Variants in NRXN3 observed in about 807,000 individuals in gnomAD.
NRXN3 encodes neurexin 3.
In NRXN3, 32 loss-of-function variants were observed where a neutral mutation model predicts 137.6. The ratio of observed to expected loss-of-function variants is 0.23; its 90% CI spans 0.18 to 0.31. The LOEUF is 0.31. NRXN3 is among the 10% of genes least tolerant of loss of function. NRXN3 has a pLI of 1.00. For synonymous variants in NRXN3, 798 were observed against 784.5 expected (o/e 1.02, Z -0.29); for missense variants, 1,574 against 2,062.5 (o/e 0.76, Z 4.59).
intron 15 of NRXN3, among the ~76,000 whole-genome samples, chr14:79,241,420 C>T (rs1294122735): frequency 8.5e-5 from 13 of 152,088 alleles, no homozygotes; most frequent in East Asian, 1.9e-4. Context: ...ACAATCATGG[C>T]GGAAAGCAAA....
At chr14:79,784,813 T>C (rs2099124556) in intron 19 of NRXN3, among the ~76,000 whole-genome samples, 1 of 152,096 alleles carries the variant, frequency 6.6e-6, no homozygotes, top group African/African-American at 2.4e-5. Flanking sequence ...CATACACACA[T>C]GCCTACATGC....
chr14:78,529,433 T>C (rs972084921), intron 4 of NRXN3, among the ~76,000 whole-genome samples: 1 of 152,208 alleles, frequency 6.6e-6, no homozygotes, highest in Non-Finnish European at 1.5e-5. Context: ...ATACTTAACT[T>C]GATTACTAGA....
chr14:79,289,046 C>T (rs1325825801), intron 15 of NRXN3, among the ~76,000 whole-genome samples: 1 of 152,130 alleles, frequency 6.6e-6, no homozygotes, highest in African/African-American at 2.4e-5. Flanking sequence ...CACCAATGGG[C>T]TCGTAGAACT....
intron 20 of NRXN3, chr14:79,853,652 T>C (rs765505122): frequency 2.3e-6 from 3 of 1,328,914 alleles, no homozygotes; most frequent in South Asian, 2.4e-5. Context: ...CTCATAGATA[T>C]GACCCTCCCC....
intron 19 of NRXN3, among the ~76,000 whole-genome samples, chr14:79,736,491 G>A (rs995005139): frequency 6.6e-5 from 10 of 152,106 alleles, no homozygotes; most frequent in South Asian, 2.1e-4. Flanking sequence ...TGAATATTCC[G>A]AATACACAGG....
At chr14:79,295,332 C>G (rs1338254162) in intron 15 of NRXN3, among the ~76,000 whole-genome samples, 4 of 151,996 alleles carry the variant, frequency 2.6e-5, no homozygotes, top group Non-Finnish European at 5.9e-5. Context: ...CTCAAGAGCC[C>G]TTCCTTAATG....
rs1427531417 is a variant in NRXN3 at position 79,864,846 on chromosome 14, G to A, written c.*2882G>A. 1.3e-5 allele frequency: 2 copies of A among 152,066 alleles called. No individual in the cohort carries two copies. Among genetic ancestry groups the A allele is most frequent in the African/African-American group, 4.8e-5 (2 of 41,374 alleles). The allele number at this position is 152,066 out of a possible 1,614,324, so 9.4% of individuals were successfully genotyped here. On this transcript the variant is annotated 3_prime_UTR_variant, in exon 21 of 21. Coordinates refer to ENST00000335750, the MANE Select transcript of NRXN3 (RefSeq NM_001330195.2). Reference sequence around the variant, plus strand: ...GGCTCACTGCAAGCTCCGCCTCCCGGGTTCACACCATTCTCCTGCCTCAGC... The same window carrying A: ...GGCTCACTGCAAGCTCCGCCTCCCGAGTTCACACCATTCTCCTGCCTCAGC...
At chr14:79,472,291 A>G (rs760005056) in intron 16 of NRXN3, among the ~76,000 whole-genome samples, 4 of 152,142 alleles carry the variant, frequency 2.6e-5, no homozygotes, top group Non-Finnish European at 5.9e-5. Flanking sequence ...TTTTAAACCT[A>G]AAGTCTTCCC....
chr14:78,711,505 A>G (rs983512233), intron 7 of NRXN3, among the ~76,000 whole-genome samples: 9 of 136,186 alleles, frequency 6.6e-5, no homozygotes, highest in African/African-American at 1.5e-4. Flanking sequence ...GCAATGGCGC[A>G]GTCTCGGCTC....
At chr14:79,050,249 A>T (rs76882968) in intron 15 of NRXN3, among the ~76,000 whole-genome samples, 1 of 152,210 alleles carries the variant, frequency 6.6e-6, no homozygotes, top group African/African-American at 2.4e-5. Flanking sequence ...CTCTTCATTC[A>T]GATTTTTTCA....
At chr14:78,579,284 T>C (rs1373711983) in intron 4 of NRXN3, among the ~76,000 whole-genome samples, 1 of 152,190 alleles carries the variant, frequency 6.6e-6, no homozygotes, top group Non-Finnish European at 1.5e-5. Context: ...GGCAAAGTGC[T>C]CAGTTAGAGC....
intron 16 of NRXN3, among the ~76,000 whole-genome samples, chr14:79,628,397 C>G (rs2098305939): frequency 6.6e-6 from 1 of 152,230 alleles, no homozygotes; most frequent in Non-Finnish European, 1.5e-5. Flanking sequence ...CTAGTATGTC[C>G]ATTCTGTTGA....
In NRXN3 at chr14:78,192,107, TGA is replaced by T. The variant is rs3220428; in HGVS notation, c.-704+21443_-704+21444del. ...GTGTGTGTGTGTGTGTGTGTGTGTG[TGA>T]GAGAGAGAGCATACATGTGTGCAAG... On this transcript the variant is annotated intron_variant, in intron 1 of 20. Transcript: ENST00000335750. Among the ~76,000 whole-genome samples, 96 of 140,516 alleles carry T rather than the reference TGA, an allele frequency of 6.8e-4. 2 individuals carry two copies. The highest frequency in any genetic ancestry group is 3.1e-3 in the South Asian group (13 of 4,146). The allele number at this position is 140,516 out of a possible 152,430, so 92.2% of individuals were successfully genotyped here.
intron 15 of NRXN3, among the ~76,000 whole-genome samples, chr14:79,101,312 T>C (rs1425366466): frequency 1.3e-5 from 2 of 152,214 alleles, no homozygotes; most frequent in Admixed American, 6.5e-5. Context: ...GAATTGCTAC[T>C]TCTCTTTATT....
chr14:79,229,461 C>A (rs1047016273), intron 15 of NRXN3, among the ~76,000 whole-genome samples: 2 of 152,192 alleles, frequency 1.3e-5, no homozygotes, highest in African/African-American at 4.8e-5. Flanking sequence ...AATCACCACA[C>A]TCCCTGAAGT....
At chr14:78,358,085 C>G (rs1284670832) in intron 4 of NRXN3, among the ~76,000 whole-genome samples, 1 of 152,156 alleles carries the variant, frequency 6.6e-6, no homozygotes, top group African/African-American at 2.4e-5. Flanking sequence ...CTGGGCACTA[C>G]TCTTACTGGT....
chr14:79,622,947 C>A (rs996143848), intron 16 of NRXN3, among the ~76,000 whole-genome samples: 14 of 152,030 alleles, frequency 9.2e-5, no homozygotes, highest in Non-Finnish European at 1.5e-4. Flanking sequence ...ATTATTTGAT[C>A]TTTTATGTAA....
intron 19 of NRXN3, among the ~76,000 whole-genome samples, chr14:79,755,182 T>C (rs1206029021): frequency 6.6e-6 from 1 of 152,170 alleles, no homozygotes; most frequent in East Asian, 1.9e-4. Flanking sequence ...TATAAACCTA[T>C]ACATATCCTC....
chr14:79,343,940 G>GA lies in NRXN3; in HGVS notation c.3263-123275dup, dbSNP rs552065734. On this transcript the variant is annotated intron_variant, in intron 15 of 20. Coordinates refer to ENST00000335750, the MANE Select transcript of NRXN3 (RefSeq NM_001330195.2). ...AGGTGTGAGCCACCATGCCCTGCCTGAAAAAATCACTTTTGCCAGAGGGAT... is the reference window on the plus strand; with the variant it reads ...AGGTGTGAGCCACCATGCCCTGCCTGAAAAAAATCACTTTTGCCAGAGGGAT... Among the ~76,000 whole-genome samples, 11 of 152,160 alleles carry GA rather than the reference G, an allele frequency of 7.2e-5. No homozygotes were observed. In the East Asian group the frequency reaches 1.4e-3, roughly 19 times the overall value.
Sources: allele counts gnomAD v4.1 joint callset (sites outside exome capture counted in the v4.1 genomes callset), GRCh38; gene constraint gnomAD v4.1.1; transcripts MANE v1.5; gene names NCBI Gene and HGNC (gene_info 2026-07-23, HGNC 2026-07-21).